Variants in TRPM6 observed in about 807,000 individuals in gnomAD.
TRPM6 encodes channel kinase 2.
In TRPM6, 111 loss-of-function variants were observed where a neutral mutation model predicts 247.6. The ratio of observed to expected loss-of-function variants is 0.45; its 90% CI spans 0.38 to 0.52. The LOEUF (loss-of-function observed/expected upper bound fraction) is 0.52, where lower values mean the gene tolerates loss of function less well. TRPM6 is among the 20% of genes least tolerant of loss of function. The pLI is 0.00. For missense variants in TRPM6, 2,126 were observed against 2,421.5 expected (o/e 0.88, Z 2.56); for synonymous variants, 892 against 853.8 (o/e 1.04, Z -0.78).
Position 74,742,592 on chromosome 9 carries a change from C to T in TRPM6, c.5169G>A (p.Gln1723=), listed in dbSNP as rs1323594038. The T allele has an allele frequency of 6.2e-7, 1 of 1,613,910 alleles. No homozygotes were observed. Among genetic ancestry groups the T allele is most frequent in the East Asian group, 2.2e-5 (1 of 44,834 alleles). The change falls in exon 33 of 39, where the codon CAG becomes CAA. Residue 1723 remains glutamine, a synonymous_variant. Transcript: ENST00000360774. ...IERNNLMRLS[Q]TIPFTPVQLF... is the part of the protein sequence containing the mutation. Reference sequence around the variant, plus strand: ...GTTGGACTGGTGTAAATGGTATGGTCTGAGAAAGCCTCATTAAATTATTCC... The same window carrying T: ...GTTGGACTGGTGTAAATGGTATGGTTTGAGAAAGCCTCATTAAATTATTCC...
At chr9:74,842,697 C>T (rs376930433) in intron 3 of TRPM6, among the ~76,000 whole-genome samples, 43 of 152,350 alleles carry the variant, frequency 2.8e-4, no homozygotes, top group African/African-American at 8.4e-4. Context: ...TATGCTGACA[C>T]TATTAAGTGT....
In TRPM6 at chr9:74,782,742, G is replaced by A. The variant is rs368245433; in HGVS notation, c.3031C>T (p.Arg1011Ter). Residue 1011 changes from arginine to a stop codon, truncating the protein, a stop_gained, in exon 22 of 39, where the codon CGA (arginine) becomes TGA (stop). Transcript: ENST00000360774. LOFTEE classifies it high-confidence loss of function. ...CAGTATGGCTCAAATACAATATCTCGAGCTAGACTCCAAGATGGTGGCTCT... is the reference window on the plus strand; with the variant it reads ...CAGTATGGCTCAAATACAATATCTCAAGCTAGACTCCAAGATGGTGGCTCT... ...PKEPPSWSLA[R>*]DIVFEPYWMI... 1.9e-6 allele frequency: 3 copies of A among 1,613,982 alleles called. No homozygotes were observed. The highest frequency in any genetic ancestry group is 2.5e-6 in the Non-Finnish European group (3 of 1,180,014).
chr9:74,745,725 A>G (rs796563811), intron 31 of TRPM6, among the ~76,000 whole-genome samples: 4 of 152,158 alleles, frequency 2.6e-5, no homozygotes, highest in African/African-American at 9.7e-5. Flanking sequence ...AAATGCACTG[A>G]CAGAAATGAG....
intron 30 of TRPM6, among the ~76,000 whole-genome samples, chr9:74,748,806 G>T (rs1219637939): frequency 6.6e-6 from 1 of 151,984 alleles, no homozygotes; most frequent in Admixed American, 6.6e-5. Flanking sequence ...ATTTTAAAAA[G>T]AAAAAAATTA....
At chr9:74,800,650 C>T (rs1449072589) in intron 16 of TRPM6, among the ~76,000 whole-genome samples, 168 bp from the exon 17 acceptor site, 1 of 146,274 alleles carries the variant, frequency 6.8e-6, no homozygotes, top group Non-Finnish European at 1.5e-5. Context: ...CAACACCAAA[C>T]AGCAACTTAA....
At chr9:74,789,960 CAAAAA>C (rs71368680) in intron 19 of TRPM6, among the ~76,000 whole-genome samples, 9 of 65,110 alleles carry the variant, frequency 1.4e-4, no homozygotes, top group Non-Finnish European at 2.5e-4. Flanking sequence ...GACTCCATCT[CAAAAA>C]AAAAAAAAAA....
At chr9:74,840,338 C>T in intron 4 of TRPM6, 101 bp from the exon 5 acceptor site, 1 of 770,948 alleles carries the variant, frequency 1.3e-6, no homozygotes, top group Non-Finnish European at 2.3e-6. Flanking sequence ...TGGCCAAAAT[C>T]TAAAAGGAAG....
chr9:74,820,165 C>G (rs138603811), intron 9 of TRPM6, 139 bp downstream of exon 9: 215 of 918,954 alleles, frequency 2.3e-4, no homozygotes, highest in Non-Finnish European at 3.5e-4. Context: ...CTCCCTCCCC[C>G]CTCCACCCTG....
At chr9:74,738,739 T>C in intron 35 of TRPM6, 127 bp from the exon 36 acceptor site, 1 of 820,372 alleles carries the variant, frequency 1.2e-6, no homozygotes, top group Non-Finnish European at 2.1e-6. Context: ...CACATGCCCT[T>C]GCCCTTTCTA....
At position 74,738,411 on chromosome 9, in the gene TRPM6, C is replaced by A; in HGVS notation, c.5772G>T (p.Leu1924Phe). ...YTRGELLVLDLQGVGENLTDP... is the reference protein window; with the variant it reads ...YTRGELLVLDFQGVGENLTDP... Reference sequence around the variant, plus strand: ...AAATCCTACATCATCAATCACCTTGCAAATCTAAAACCAGCAGCTCTCCCC... The same window carrying A: ...AAATCCTACATCATCAATCACCTTGAAAATCTAAAACCAGCAGCTCTCCCC... The change falls in exon 36 of 39, where the codon TTG becomes TTT. Residue 1924 changes from leucine to phenylalanine, a missense_variant. Leu to Phe is a conservative substitution (Grantham distance 22). Transcript: ENST00000360774. The A allele has an allele frequency of 6.2e-7, 1 of 1,613,844 alleles. No homozygotes were observed. The highest frequency in any genetic ancestry group is 8.5e-7 in the Non-Finnish European group (1 of 1,179,928).
In TRPM6 at chr9:74,856,465, G is replaced by C. The variant is rs9650768; in HGVS notation, c.114-900C>G. ...AAAATATGTGTGTGTGTGTGTGTGTGTCTGTGTGTGTGTGTGTGTGTGTGA... is the reference window on the plus strand; with the variant it reads ...AAAATATGTGTGTGTGTGTGTGTGTCTCTGTGTGTGTGTGTGTGTGTGTGA... On this transcript the variant is annotated intron_variant, in intron 2 of 38. Transcript: ENST00000360774. 2.4e-3 allele frequency among the ~76,000 whole-genome samples: 289 copies of C among 118,116 alleles called. 1 individual carries two copies. The highest frequency in any genetic ancestry group is 1.0e-2 in the African/African-American group (258 of 25,908). 77.5% of individuals were successfully genotyped at this position (118,116 alleles called of 152,430 possible).
At chr9:74,809,272 A>G (rs10521464) in intron 13 of TRPM6, among the ~76,000 whole-genome samples, 7,785 of 152,232 alleles carry the variant, frequency 0.051, 638 homozygotes, top group African/African-American at 0.17. Flanking sequence ...TCTTAGTCTA[A>G]ATGAAAATTA....
intron 23 of TRPM6, among the ~76,000 whole-genome samples, chr9:74,778,487 C>T (rs1827303544): frequency 6.6e-6 from 1 of 152,226 alleles, no homozygotes; most frequent in Non-Finnish European, 1.5e-5. Context: ...GTGCTGCCTC[C>T]ATAATAGGCA....
chr9:74,842,634 T>C (rs1006102642), intron 3 of TRPM6, among the ~76,000 whole-genome samples: 1 of 152,240 alleles, frequency 6.6e-6, no homozygotes, highest in Non-Finnish European at 1.5e-5. Context: ...AAAGTGAATA[T>C]GGCAATAAAG....
rs192256884 is a variant in TRPM6 at position 74,863,655 on chromosome 9, C to T, written c.34-4907G>A. Among the ~76,000 whole-genome samples, 654 of 152,246 alleles carry T rather than the reference C, an allele frequency of 4.3e-3. 4 individuals are homozygous for T. Among genetic ancestry groups the T allele is most frequent in the African/African-American group, 0.015 (612 of 41,530 alleles). ...GGAGTGCAATGGCGCGATCTCGGCT[C>T]ACTGCGAGCTCCGCCTCCCGGGTTT... On this transcript the variant is annotated intron_variant, in intron 1 of 38. Coordinates refer to ENST00000360774, the MANE Select transcript of TRPM6 (RefSeq NM_017662.5).
chr9:74,828,091 T>C, intron 6 of TRPM6, 142 bp from the exon 7 acceptor site: 1 of 858,304 alleles, frequency 1.2e-6, no homozygotes, highest in Non-Finnish European at 1.8e-6. Flanking sequence ...TGGTGGCTCA[T>C]GCCTGTAATC....
chr9:74,757,201 A>G (rs1826456682), intron 27 of TRPM6, among the ~76,000 whole-genome samples: 1 of 151,984 alleles, frequency 6.6e-6, no homozygotes, highest in Admixed American at 6.6e-5. Flanking sequence ...ACTAACAAAA[A>G]AAAACCTAGA....
chr9:74,844,414 A>G (rs956059479), intron 3 of TRPM6, among the ~76,000 whole-genome samples: 12 of 152,246 alleles, frequency 7.9e-5, no homozygotes, highest in African/African-American at 2.9e-4. Flanking sequence ...TAGATCTTCT[A>G]AATAACTTGC....
chr9:74,739,315 T>C, intron 35 of TRPM6, 52 bp downstream of exon 35: 3 of 1,471,936 alleles, frequency 2.0e-6, no homozygotes, highest in East Asian at 4.5e-5. Flanking sequence ...TGAGAAGACG[T>C]GATAGAAATT....
Sources: gnomAD v4.1 joint callset for allele counts (sites outside exome capture counted in the v4.1 genomes callset) on GRCh38, gnomAD v4.1.1 for gene constraint, MANE v1.5 for transcripts, NCBI Gene and HGNC (gene_info 2026-07-23, HGNC 2026-07-21) for gene names.